The following MYBL1 variants were observed in gnomAD, a reference collection of about 807,000 sequenced individuals.
MYBL1 encodes MYB proto-oncogene like 1.
MYBL1 carries 17 observed loss-of-function variants against 96.3 expected under a neutral mutation model. The observed-to-expected ratio is 0.18, with a 90% confidence interval of 0.12 to 0.26. The LOEUF is 0.26. Among genes scored for constraint, MYBL1 ranks in the 10% least tolerant of loss-of-function variants. The pLI, the probability that MYBL1 is intolerant of heterozygous loss-of-function variation, is 1.00. For missense variants in MYBL1, 701 were observed against 882.9 expected (o/e 0.79, Z 2.61); for synonymous variants, 282 against 292.7 (o/e 0.96, Z 0.37).
At chr8:66,566,613 A>C in intron 14 of MYBL1, 71 bp downstream of exon 14, 1 of 984,640 alleles carries the variant, frequency 1.0e-6, no homozygotes, top group African/African-American at 1.6e-5. Context: ...CTACACAATG[A>C]GTAAGAAATA....
intron 11 of MYBL1, among the ~76,000 whole-genome samples, chr8:66,573,076 T>C (rs1808798757): frequency 6.6e-6 from 1 of 152,004 alleles, no homozygotes; most frequent in South Asian, 2.1e-4. Context: ...TAACCAGGCA[T>C]GGTGGCACAT....
At chr8:66,568,907 C>G (rs1434837993) in intron 12 of MYBL1, among the ~76,000 whole-genome samples, 1 of 151,910 alleles carries the variant, frequency 6.6e-6, no homozygotes, top group Non-Finnish European at 1.5e-5. Context: ...ACCTGTAATC[C>G]CAGCTACTTG....
chr8:66,604,195 T>C (rs1810217297), intron 1 of MYBL1, among the ~76,000 whole-genome samples: 1 of 152,204 alleles, frequency 6.6e-6, no homozygotes, highest in South Asian at 2.1e-4. Flanking sequence ...AAGGTAGACT[T>C]TTCAATAAAT....
intron 1 of MYBL1, among the ~76,000 whole-genome samples, chr8:66,603,131 G>A (rs193155055): frequency 6.6e-5 from 10 of 152,068 alleles, no homozygotes; most frequent in Admixed American, 6.6e-4. Context: ...TCATGTTAAG[G>A]AATTTGACCT....
chr8:66,599,983 A>C (rs570228893), intron 3 of MYBL1, among the ~76,000 whole-genome samples: 28 of 152,352 alleles, frequency 1.8e-4, no homozygotes, highest in African/African-American at 6.7e-4. Context: ...TCTACATAGA[A>C]GATGAATGTT....
intron 5 of MYBL1, among the ~76,000 whole-genome samples, chr8:66,596,891 G>T (rs549709863): frequency 6.6e-6 from 1 of 152,192 alleles, no homozygotes; most frequent in East Asian, 1.9e-4. Context: ...AATTAATTAA[G>T]ATTGAATTTT....
chr8:66,583,662 G>C (rs1258306947), intron 8 of MYBL1, among the ~76,000 whole-genome samples: 1 of 151,600 alleles, frequency 6.6e-6, no homozygotes, highest in Non-Finnish European at 1.5e-5. Context: ...GGAATACAAA[G>C]GATCATTAGA....
chr8:66,572,491 A>T lies in MYBL1; in HGVS notation c.1719T>A (p.Leu573=), dbSNP rs1422738289. The T allele has an allele frequency of 6.4e-7, 1 of 1,551,878 alleles. No homozygotes were observed. The highest frequency in any genetic ancestry group is 8.8e-7 in the Non-Finnish European group (1 of 1,132,936). ...LAAQEKKYGP[L]KIVSQPLAFL... Reference sequence around the variant, plus strand: ...AAATGAATATACATACCACAATTTTAAGAGGTCCATATTTTTTCTCCTGAG... The same window carrying T: ...AAATGAATATACATACCACAATTTTTAGAGGTCCATATTTTTTCTCCTGAG... The change falls in exon 12 of 16, where the codon CTT becomes CTA. Residue 573 remains leucine (L), a synonymous_variant. Coordinates refer to ENST00000522677, the MANE Select transcript of MYBL1 (RefSeq NM_001080416.4).
intron 6 of MYBL1, 123 bp downstream of exon 6, chr8:66,595,456 CATTT>C: frequency 2.3e-6 from 1 of 438,558 alleles, no homozygotes; most frequent in East Asian, 3.6e-5. Flanking sequence ...CAAAGTTACA[CATTT>C]TTTTCAGTTT....
At position 66,597,309 on chromosome 8, in the gene MYBL1, T is replaced by G. The variant is rs1003481279; in HGVS notation, c.512+21A>C. The G allele has an allele frequency of 3.4e-6, 5 of 1,486,956 alleles. No homozygotes were observed. The African/African-American group carries it at 7.1e-5, about 21-fold the overall frequency. The allele number at this position is 1,486,956 out of a possible 1,614,324, so 92.1% of individuals were successfully genotyped here. On this transcript the variant is annotated intron_variant, in intron 5 of 15. Transcript: ENST00000522677. ...GGTCATGTTTAAGTACAGAAAAATA[T>G]ATATACATTTATATAAGCACCTTCC... is the stretch of plus-strand genomic sequence containing the variant.
chr8:66,573,437 A>T lies in MYBL1; in HGVS notation c.1540T>A (p.Cys514Ser). Residue 514 changes from cysteine to serine, a missense_variant, in exon 11 of 16, where the codon TGT becomes AGT. Cys to Ser is a moderately radical substitution (Grantham distance 112). Around this residue, in one of 5 missense-constraint regions of MYBL1, gnomAD observed 396 missense variants for 407.4 expected, o/e 0.97. Transcript: ENST00000522677. ...GTTGTAATGAGAGCTTTCTGCCCAC[A>T]AATAGGGGTTGATGTAAATGAAGGA... ...ENPSFTSTPI[C>S]GQKALITTPL... The T allele has an allele frequency of 6.2e-7, 1 of 1,612,754 alleles. No individual in the cohort carries two copies. The highest frequency in any genetic ancestry group is 8.5e-7 in the Non-Finnish European group (1 of 1,179,278).
intron 9 of MYBL1, 90 bp from the exon 10 acceptor site, chr8:66,576,465 T>A: frequency 7.2e-7 from 1 of 1,395,114 alleles, no homozygotes; most frequent in Non-Finnish European, 9.7e-7. Context: ...ACAGAGTTAA[T>A]TAACAACTCA....
At chr8:66,604,353 T>C (rs1327377461) in intron 1 of MYBL1, among the ~76,000 whole-genome samples, 2 of 151,976 alleles carry the variant, frequency 1.3e-5, no homozygotes, top group East Asian at 3.8e-4. Context: ...CAAAACCCTG[T>C]CTCTACTAAA....
chr8:66,605,260 T>C (rs771060994), intron 1 of MYBL1, among the ~76,000 whole-genome samples: 2 of 152,168 alleles, frequency 1.3e-5, no homozygotes, highest in African/African-American at 2.4e-5. Context: ...AAGAGCTCAA[T>C]AGCCACATGT....
chr8:66,606,307 C>T (rs1207855950), intron 1 of MYBL1, among the ~76,000 whole-genome samples: 1 of 152,162 alleles, frequency 6.6e-6, no homozygotes, highest in Admixed American at 6.5e-5. Flanking sequence ...ACACCTCATA[C>T]AGCACATGGC....
chr8:66,589,530 G>T (rs1162205141), intron 8 of MYBL1, among the ~76,000 whole-genome samples: 1 of 152,028 alleles, frequency 6.6e-6, no homozygotes. Context: ...GCCCAGGTTG[G>T]AGTGCAGGGG....
intron 8 of MYBL1, among the ~76,000 whole-genome samples, chr8:66,583,284 G>A (rs1809288719): frequency 6.6e-6 from 1 of 152,124 alleles, no homozygotes; most frequent in African/African-American, 2.4e-5. Flanking sequence ...AACATTTCTG[G>A]AAACAAATGA....
intron 8 of MYBL1, among the ~76,000 whole-genome samples, chr8:66,583,523 A>G (rs1269213923): frequency 6.6e-6 from 1 of 152,100 alleles, no homozygotes; most frequent in Non-Finnish European, 1.5e-5. Context: ...TAATCAATGA[A>G]ATGAGAAGTT....
chr8:66,585,088 AAAAC>A (rs148029809), intron 8 of MYBL1, among the ~76,000 whole-genome samples: 12,071 of 152,102 alleles, frequency 0.079, 952 homozygotes, highest in African/African-American at 0.19. Context: ...CCTGAGCAAA[AAAAC>A]AAACAAACAA....
Sources: gnomAD v4.1 joint callset for allele counts (sites outside exome capture counted in the v4.1 genomes callset) on GRCh38, gnomAD v4.1.1 for gene constraint, gnomAD v4.1.1 regional missense constraint, MANE v1.5 for transcripts, NCBI Gene and HGNC (gene_info 2026-07-23, HGNC 2026-07-21) for gene names.